The following BRINP1 variants were observed in gnomAD, a reference collection of about 807,000 sequenced individuals.
The protein encoded by BRINP1 is BMP/retinoic acid inducible neural specific 1, also known as BMP/retinoic acid-inducible neural-specific protein 1.
BRINP1 carries 17 observed loss-of-function variants against 72.9 expected under a neutral mutation model. The observed-to-expected ratio is 0.23, with a 90% CI of 0.16 to 0.35. The LOEUF (loss-of-function observed/expected upper bound fraction) is 0.35. Among genes scored for constraint, BRINP1 ranks in the 10% least tolerant of loss-of-function variants. The pLI is 1.00. For synonymous variants in BRINP1, 418 were observed against 378.5 expected (o/e 1.10, Z -1.21); for missense variants, 850 against 1,001.6 (o/e 0.85, Z 2.04).
intron 7 of BRINP1, among the ~76,000 whole-genome samples, chr9:119,190,551 G>A (rs529780256): frequency 6.6e-6 from 1 of 152,014 alleles, no homozygotes; most frequent in South Asian, 2.1e-4. Flanking sequence ...GGATAACCTG[G>A]AGGAAATGGA....
intron 5 of BRINP1, among the ~76,000 whole-genome samples, chr9:119,218,589 C>A (rs1830005306): frequency 6.6e-6 from 1 of 151,932 alleles, no homozygotes. Context: ...GGTGACCTGG[C>A]CAAAGTCTCA....
chr9:119,208,887 C>T lies in BRINP1; in HGVS notation c.977G>A (p.Gly326Glu). Residue 326 changes from glycine (G) to glutamate (E), a missense_variant, in exon 7 of 8, where the codon GGA (glycine) becomes GAA (glutamate). Coordinates refer to ENST00000265922, the MANE Select transcript of BRINP1 (RefSeq NM_014618.3). Reference protein sequence around the residue: ...RLPSNHFLTIGSIHQHWGNDW... With the variant: ...RLPSNHFLTIESIHQHWGNDW... ...ATTGCCCCAGTGCTGATGGATGCTT[C>T]CGATGGTCAGGAAGTGGTTGCTGGG... 1 of 1,614,146 alleles carries T rather than the reference C, an allele frequency of 6.2e-7. No individual in the cohort carries two copies.
At chr9:119,214,578 C>A (rs1454076167) in intron 5 of BRINP1, among the ~76,000 whole-genome samples, 2 of 128,900 alleles carry the variant, frequency 1.6e-5, no homozygotes. Flanking sequence ...GGCACTAGGC[C>A]TGTAGAGATA....
intron 2 of BRINP1, among the ~76,000 whole-genome samples, chr9:119,257,609 A>G (rs1830458319): frequency 6.6e-6 from 1 of 152,190 alleles, no homozygotes; most frequent in Admixed American, 6.5e-5. Context: ...GAAGCTTCTG[A>G]GTATCGGGGT....
At chr9:119,321,432 T>C (rs2119004128) in intron 1 of BRINP1, among the ~76,000 whole-genome samples, 1 of 152,340 alleles carries the variant, frequency 6.6e-6, no homozygotes, top group South Asian at 2.1e-4. Flanking sequence ...TTCATAAAAA[T>C]ACACACCAGC....
At chr9:119,239,879 G>A (rs1410317346) in intron 4 of BRINP1, among the ~76,000 whole-genome samples, 1 of 151,970 alleles carries the variant, frequency 6.6e-6, no homozygotes, top group Non-Finnish European at 1.5e-5. Context: ...TTATTATTGA[G>A]AGAGAGTAAA....
At chr9:119,289,082 G>A (rs1210202958) in intron 2 of BRINP1, among the ~76,000 whole-genome samples, 4 of 152,236 alleles carry the variant, frequency 2.6e-5, no homozygotes, top group Non-Finnish European at 5.9e-5. Flanking sequence ...TTACAGGCGT[G>A]AGCCACCACA....
At chr9:119,303,598 T>C (rs1380211534) in intron 2 of BRINP1, among the ~76,000 whole-genome samples, 3 of 152,176 alleles carry the variant, frequency 2.0e-5, no homozygotes, top group Non-Finnish European at 2.9e-5. Flanking sequence ...TGGCACGTGT[T>C]CCTCAGGGCA....
rs755641554 is a variant in BRINP1 at position 119,338,278 on chromosome 9, C to CT, written c.-50-24874dup. On this transcript the variant is annotated intron_variant, in intron 1 of 7. Coordinates refer to ENST00000265922, the MANE Select transcript of BRINP1 (RefSeq NM_014618.3). ...TTTTTGCCTCTGCAATTAGATTGGGCTTTTTTTTTTTTTTCTTTAAGCCAG... is the reference window on the plus strand; with the variant it reads ...TTTTTGCCTCTGCAATTAGATTGGGCTTTTTTTTTTTTTTTCTTTAAGCCAG... Among the ~76,000 whole-genome samples, 779 of 133,972 alleles carry CT rather than the reference C, an allele frequency of 5.8e-3. 1 individual carries two copies. Among genetic ancestry groups the CT allele is most frequent in the African/African-American group, 0.014 (528 of 36,648 alleles). The allele number at this position is 133,972 out of a possible 152,430, so 87.9% of individuals were successfully genotyped here. A position where few individuals can be genotyped will look rare whatever the true frequency, so the allele number is the denominator to read the frequency against.
intron 1 of BRINP1, among the ~76,000 whole-genome samples, chr9:119,349,531 G>T (rs945608181): frequency 6.6e-6 from 1 of 152,184 alleles, no homozygotes; most frequent in Non-Finnish European, 1.5e-5. Context: ...CGGTACACTT[G>T]TAACAATAAA....
At chr9:119,301,767 T>C (rs1290296157) in intron 2 of BRINP1, among the ~76,000 whole-genome samples, 1 of 152,242 alleles carries the variant, frequency 6.6e-6, no homozygotes, top group Non-Finnish European at 1.5e-5. Context: ...AAGACCTTTC[T>C]GTACTATCGT....
chr9:119,341,059 C>T (rs1352786558), intron 1 of BRINP1, among the ~76,000 whole-genome samples: 1 of 152,178 alleles, frequency 6.6e-6, no homozygotes, highest in Non-Finnish European at 1.5e-5. Context: ...CTTCCTTCTT[C>T]CATATCACAG....
At chr9:119,217,723 T>G (rs972446841) in intron 5 of BRINP1, among the ~76,000 whole-genome samples, 2 of 152,192 alleles carry the variant, frequency 1.3e-5, no homozygotes, top group Admixed American at 6.5e-5. Context: ...ACAGTCTTTG[T>G]GTGCTGAGAT....
chr9:119,248,073 C>A (rs887693519), intron 3 of BRINP1, among the ~76,000 whole-genome samples: 5 of 152,136 alleles, frequency 3.3e-5, no homozygotes, highest in African/African-American at 1.2e-4. Context: ...CTGTACTGAC[C>A]ACTCCAGTTG....
At chr9:119,233,117 T>C (rs1414169071) in intron 5 of BRINP1, among the ~76,000 whole-genome samples, 1 of 152,102 alleles carries the variant, frequency 6.6e-6, no homozygotes, top group East Asian at 1.9e-4. Context: ...CCATTGATAT[T>C]GTTCTCAATC....
At chr9:119,300,875 A>G (rs1564242645) in intron 2 of BRINP1, among the ~76,000 whole-genome samples, 1 of 152,120 alleles carries the variant, frequency 6.6e-6, no homozygotes, top group Non-Finnish European at 1.5e-5. Context: ...TTCTTAAAAG[A>G]TTCATTTATT....
At chr9:119,252,099 T>C (rs1830395973) in intron 2 of BRINP1, among the ~76,000 whole-genome samples, 1 of 152,074 alleles carries the variant, frequency 6.6e-6, no homozygotes, top group Non-Finnish European at 1.5e-5. Context: ...TCTTCCTCCC[T>C]CCCTCTCACT....
chr9:119,234,170 C>T (rs780950158), intron 5 of BRINP1, among the ~76,000 whole-genome samples: 1 of 152,236 alleles, frequency 6.6e-6, no homozygotes, highest in East Asian at 1.9e-4. Flanking sequence ...ACCAAGGACA[C>T]GTGCAGTCTT....
At chr9:119,357,063 T>G (rs1057234383) in intron 1 of BRINP1, among the ~76,000 whole-genome samples, 12 of 152,218 alleles carry the variant, frequency 7.9e-5, no homozygotes, top group African/African-American at 2.4e-4. Context: ...CCTCATTCCA[T>G]TTTTAGATAG....
Sources: allele counts gnomAD v4.1 joint callset (sites outside exome capture counted in the v4.1 genomes callset), GRCh38; gene constraint gnomAD v4.1.1; transcripts MANE v1.5; gene names NCBI Gene and HGNC (gene_info 2026-07-23, HGNC 2026-07-21).